The following EIF2AK4 variants were observed in gnomAD, a reference collection of about 807,000 sequenced individuals.
The protein encoded by EIF2AK4 is eIF-2-alpha kinase GCN2.
Under a neutral mutation model 211.1 loss-of-function variants are expected in EIF2AK4, and 139 were observed. The ratio of observed to expected loss-of-function variants is 0.66; its 90% confidence interval spans 0.57 to 0.76. The LOEUF is 0.76. Ranked by LOEUF, EIF2AK4 falls within the 30% of genes least tolerant of loss-of-function variation. The pLI is 0.00. For missense variants in EIF2AK4, 1,664 were observed against 2,043.8 expected, an observed-to-expected ratio of 0.81 and a Z score of 3.58; for synonymous variants, 710 against 751.3, an observed-to-expected ratio of 0.94 and a Z score of 0.90.
chr15:39,975,634 A>G (rs2034683739), intron 11 of EIF2AK4, among the ~76,000 whole-genome samples: 1 of 152,234 alleles, frequency 6.6e-6, no homozygotes, highest in African/African-American at 2.4e-5. Flanking sequence ...GCCTCTATGT[A>G]GGATGGGAGG....
intron 1 of EIF2AK4, among the ~76,000 whole-genome samples, chr15:39,934,637 C>G (rs986087128): frequency 2.0e-5 from 3 of 152,200 alleles, no homozygotes; most frequent in Non-Finnish European, 4.4e-5. Context: ...ACATAACTGC[C>G]TCCTTCCAAC....
At chr15:39,951,926 C>A (rs1336870729) in intron 4 of EIF2AK4, among the ~76,000 whole-genome samples, 1 of 152,224 alleles carries the variant, frequency 6.6e-6, no homozygotes, top group South Asian at 2.1e-4. Flanking sequence ...ATACTACGTT[C>A]TATTTGTCAA....
chr15:40,013,302 T>C (rs1240969843), intron 27 of EIF2AK4, among the ~76,000 whole-genome samples: 1 of 152,056 alleles, frequency 6.6e-6, no homozygotes, highest in African/African-American at 2.4e-5. Flanking sequence ...CCCACTTAAT[T>C]TTTTTTTCTT....
intron 1 of EIF2AK4, among the ~76,000 whole-genome samples, chr15:39,935,998 G>A (rs894636001): frequency 6.6e-6 from 1 of 152,148 alleles, no homozygotes; most frequent in Non-Finnish European, 1.5e-5. Flanking sequence ...AGCCAAAATA[G>A]GTGTCTCAAA....
In EIF2AK4 at chr15:40,026,042, T is replaced by A; in HGVS notation, c.4455T>A (p.His1485Gln). The part of the protein sequence containing the change: ...KRVLETELVD[H>Q]VLQKLRTKVT... Reference sequence around the variant, plus strand: ...TGCTGGAGACTGAACTTGTGGACCATGTACTGCAGAAACTGAGGACTAAAG... The same window carrying A: ...TGCTGGAGACTGAACTTGTGGACCAAGTACTGCAGAAACTGAGGACTAAAG... The change falls in exon 33 of 39, where the codon CAT becomes CAA. Residue 1485 changes from histidine (H) to glutamine (Q), a missense_variant. Physicochemically the swap from His to Gln is conservative, Grantham distance 24. Coordinates refer to ENST00000263791, the MANE Select transcript of EIF2AK4 (RefSeq NM_001013703.4). 1 of 1,614,152 alleles carries A rather than the reference T, an allele frequency of 6.2e-7. No homozygotes were observed. Among genetic ancestry groups the A allele is most frequent in the South Asian group, 1.1e-5 (1 of 91,076 alleles).
In EIF2AK4 at chr15:39,944,496, A is replaced by G. The variant is rs2034197046; in HGVS notation, c.360+1011A>G. On this transcript the variant is annotated intron_variant, in intron 3 of 38. Coordinates refer to ENST00000263791, the MANE Select transcript of EIF2AK4 (RefSeq NM_001013703.4). ...ACCCAGGCTAGAGTGCAATGGCGCAATCTCGGCTCACTGCAAGCTCCGCCT... is the reference window on the plus strand; with the variant it reads ...ACCCAGGCTAGAGTGCAATGGCGCAGTCTCGGCTCACTGCAAGCTCCGCCT... 3.5e-5 allele frequency among the ~76,000 whole-genome samples: 5 copies of G among 144,446 alleles called. No homozygotes were observed. In the Admixed American group the frequency reaches 3.7e-4, roughly 11 times the overall value. 94.8% of individuals were successfully genotyped at this position (144,446 alleles called of 152,430 possible).
chr15:40,025,916 C>T, intron 32 of EIF2AK4, 61 bp from the exon 33 acceptor site: 1 of 1,507,592 alleles, frequency 6.6e-7, no homozygotes, highest in Non-Finnish European at 9.1e-7. Context: ...CTGTGGTGCT[C>T]TGAGCTAGTC....
intron 20 of EIF2AK4, 79 bp from the exon 21 acceptor site, chr15:40,000,909 C>G (rs1183059434): frequency 7.0e-7 from 1 of 1,420,580 alleles, no homozygotes; most frequent in Non-Finnish European, 9.9e-7. Context: ...TTGACCTGAA[C>G]TGACTACTGA....
At chr15:39,958,225 A>G (rs2034418672) in intron 6 of EIF2AK4, among the ~76,000 whole-genome samples, 1 of 152,242 alleles carries the variant, frequency 6.6e-6, no homozygotes, top group Non-Finnish European at 1.5e-5. Context: ...TTTGTAGAAG[A>G]AGCAAAACTA....
chr15:39,940,307 C>T lies in EIF2AK4; in HGVS notation c.257+690C>T, dbSNP rs138886698. 1.6e-3 allele frequency among the ~76,000 whole-genome samples: 250 copies of T among 152,284 alleles called. 1 individual carries two copies. Among genetic ancestry groups the T allele is most frequent in the African/African-American group, 5.7e-3 (237 of 41,534 alleles). On this transcript the variant is annotated intron_variant, in intron 2 of 38. Coordinates refer to ENST00000263791, the MANE Select transcript of EIF2AK4 (RefSeq NM_001013703.4). ...GCATGTCTATTTGGTGTAATCTTTC[C>T]CCACCCATCCCACATGGAAAGGCAG...
intron 31 of EIF2AK4, 58 bp downstream of exon 31, chr15:40,021,085 A>G: frequency 1.3e-6 from 2 of 1,588,812 alleles, no homozygotes; most frequent in Admixed American, 3.4e-5. Flanking sequence ...TTTCATGGCA[A>G]ATATCCTCTG....
intron 1 of EIF2AK4, among the ~76,000 whole-genome samples, chr15:39,934,545 T>A (rs1363704294): frequency 5.3e-5 from 8 of 152,174 alleles, no homozygotes; most frequent in Non-Finnish European, 1.2e-4. Flanking sequence ...TACAGTCCTT[T>A]CCCCATGATT....
chr15:39,976,287 G>A, intron 11 of EIF2AK4, 127 bp from the exon 12 acceptor site: 1 of 975,608 alleles, frequency 1.0e-6, no homozygotes, highest in Non-Finnish European at 1.4e-6. Flanking sequence ...TCAGGCATGT[G>A]GTTCTTGACT....
intron 18 of EIF2AK4, among the ~76,000 whole-genome samples, chr15:39,996,626 G>C (rs2035021747): frequency 6.6e-6 from 1 of 152,156 alleles, no homozygotes; most frequent in Admixed American, 6.5e-5. Context: ...TGGAAGGATT[G>C]CTTGAGCCCA....
intron 2 of EIF2AK4, among the ~76,000 whole-genome samples, chr15:39,940,528 G>A (rs1235480544): frequency 6.6e-6 from 1 of 152,148 alleles, no homozygotes; most frequent in African/African-American, 2.4e-5. Context: ...CTTGAAGTCA[G>A]TAACCATTCT....
At chr15:40,010,046 C>G (rs1053309028) in intron 26 of EIF2AK4, among the ~76,000 whole-genome samples, 9 of 152,156 alleles carry the variant, frequency 5.9e-5, no homozygotes, top group Admixed American at 5.2e-4. Flanking sequence ...ATTCACCAAC[C>G]TACTTATTAA....
chr15:39,934,250 T>C lies in EIF2AK4; in HGVS notation c.55T>C (p.Tyr19His). Residue 19 changes from tyrosine to histidine, a missense_variant, in exon 1 of 39, where the codon TAC (tyrosine) becomes CAC (histidine). This residue lies in a region of EIF2AK4 where 641 missense variants were observed against 729.6 expected (regional missense o/e 0.88). Transcript: ENST00000263791. ...GRGRDEPPES[Y>H]PQRQDHELQA... The stretch of plus-strand genomic sequence containing the variant: ...CGGCCGGGACGAGCCTCCGGAGAGC[T>C]ACCCGCAACGACAGGACCACGAGCT... 6.2e-7 allele frequency: 1 copy of C among 1,609,750 alleles called. No homozygotes were observed. The highest frequency in any genetic ancestry group is 8.5e-7 in the Non-Finnish European group (1 of 1,178,382).
intron 21 of EIF2AK4, 22 bp from the exon 22 acceptor site, chr15:40,002,691 G>A (rs2140935064): frequency 1.2e-6 from 2 of 1,613,340 alleles, no homozygotes; most frequent in South Asian, 2.2e-5. Flanking sequence ...CAATGATGAT[G>A]TTTTAATCGG....
intron 11 of EIF2AK4, 148 bp downstream of exon 11, chr15:39,973,897 G>A: frequency 1.2e-6 from 1 of 832,880 alleles, no homozygotes; most frequent in Non-Finnish European, 1.8e-6. Flanking sequence ...CCTTCCTGGA[G>A]TTAAAGGTTT....
Sources: gnomAD v4.1 joint callset for allele counts (sites outside exome capture counted in the v4.1 genomes callset) on GRCh38, gnomAD v4.1.1 for gene constraint, gnomAD v4.1.1 regional missense constraint, MANE v1.5 for transcripts, NCBI Gene and HGNC (gene_info 2026-07-23, HGNC 2026-07-21) for gene names.